NRP2: variants seen among roughly 807,000 people sequenced by gnomAD.
NRP2 encodes the protein neuropilin 2, also known as neuropilin-2.
In NRP2, 52 loss-of-function variants were observed where a neutral mutation model predicts 110.4. The ratio of observed to expected loss-of-function variants is 0.47; its 90% confidence interval spans 0.38 to 0.59. The LOEUF is 0.59. Among genes scored for constraint, NRP2 ranks in the 20% least tolerant of loss-of-function variants. NRP2 has a pLI of 0.00. For synonymous variants in NRP2, 508 were observed against 468.9 expected (o/e 1.08, Z -1.08); for missense variants, 1,049 against 1,203.0 (o/e 0.87, Z 1.89).
At chr2:205,709,389 G>C (rs569536689) in intron 2 of NRP2, among the ~76,000 whole-genome samples, 2 of 152,148 alleles carry the variant, frequency 1.3e-5, no homozygotes, top group African/African-American at 4.8e-5. Flanking sequence ...ATAGCCAGGG[G>C]CTCTCAGGTG....
At chr2:205,720,262 CTTTTTTTTT>C (rs202203741) in intron 3 of NRP2, among the ~76,000 whole-genome samples, 63 of 129,146 alleles carry the variant, frequency 4.9e-4, no homozygotes, top group African/African-American at 4.6e-4. Flanking sequence ...TTTTTTCTTT[CTTTTTTTTT>C]TTTTTTTTTT....
chr2:205,786,377 A>G (rs1443607274), intron 15 of NRP2, among the ~76,000 whole-genome samples: 1 of 152,232 alleles, frequency 6.6e-6, no homozygotes, highest in Admixed American at 6.5e-5. Flanking sequence ...CCAGCGATTT[A>G]ACTGGCCCAT....
chr2:205,706,733 G>T (rs967390348), intron 2 of NRP2, among the ~76,000 whole-genome samples: 2 of 152,146 alleles, frequency 1.3e-5, no homozygotes, highest in Non-Finnish European at 2.9e-5. Flanking sequence ...AAGCCTCAGG[G>T]CAGGCTGCTG....
chr2:205,697,510 T>C (rs199866815), intron 1 of NRP2, 34 bp from the exon 2 acceptor site: 22 of 1,590,212 alleles, frequency 1.4e-5, no homozygotes, highest in South Asian at 2.2e-5. Context: ...TGTAACATAT[T>C]TGAAGTTCTT....
intron 14 of NRP2, 46 bp from the exon 15 acceptor site, chr2:205,766,737 G>T: frequency 1.3e-6 from 2 of 1,555,626 alleles, no homozygotes; most frequent in South Asian, 1.1e-5. Flanking sequence ...TCACCCAATT[G>T]TTTCTTGCCT....
intron 15 of NRP2, among the ~76,000 whole-genome samples, chr2:205,774,160 G>A (rs2058063858): frequency 6.6e-6 from 1 of 152,198 alleles, no homozygotes; most frequent in Admixed American, 6.5e-5. Flanking sequence ...TTGCCAGGCA[G>A]CAGATCCTCT....
chr2:205,780,195 G>T (rs1575674775), intron 15 of NRP2, among the ~76,000 whole-genome samples: 1 of 152,138 alleles, frequency 6.6e-6, no homozygotes, highest in South Asian at 2.1e-4. Flanking sequence ...TCCCATTTAC[G>T]AGCGCTTTCC....
chr2:205,683,010 T>C lies in NRP2; in HGVS notation c.-281T>C, dbSNP rs754327145. ...TAAAGGAAATGACACTTTGAGGAAC[T>C]GGAGAGAACATATATGCGTTTTGTT... On this transcript the variant is annotated 5_prime_UTR_variant, in exon 1 of 17. Coordinates refer to ENST00000357785, the MANE Select transcript of NRP2 (RefSeq NM_003872.3). The C allele has an allele frequency of 2.1e-5, 9 of 433,518 alleles. No individual in the cohort carries two copies. The highest frequency in any genetic ancestry group is 6.5e-4 in the Middle Eastern group (1 of 1,540). 26.9% of individuals were successfully genotyped at this position (433,518 alleles called of 1,614,324 possible). A position where few individuals can be genotyped will look rare whatever the true frequency, so the allele number is the denominator to read the frequency against.
intron 1 of NRP2, among the ~76,000 whole-genome samples, chr2:205,695,939 A>G (rs2056415000): frequency 6.6e-6 from 1 of 151,890 alleles, no homozygotes; most frequent in African/African-American, 2.4e-5. Flanking sequence ...GGATGAGCTC[A>G]TTGTCTTCAT....
chr2:205,695,940 T>C (rs1404524394), intron 1 of NRP2, among the ~76,000 whole-genome samples: 1 of 152,066 alleles, frequency 6.6e-6, no homozygotes, highest in African/African-American at 2.4e-5. Context: ...GATGAGCTCA[T>C]TGTCTTCATG....
At position 205,794,845 on chromosome 2, in the gene NRP2, C is replaced by T. The variant is rs143954561; in HGVS notation, c.2568C>T (p.Thr856=). 4.2e-4 allele frequency: 682 copies of T among 1,614,074 alleles called. No individual in the cohort carries two copies. Among genetic ancestry groups the T allele is most frequent in the Non-Finnish European group, 5.4e-4 (633 of 1,180,054 alleles). The change falls in exon 17 of 17, where the codon ACC becomes ACT. Residue 856 remains threonine (T), a synonymous_variant. Transcript: ENST00000357785. ...ACAAAGAAAAGAGCTGGCTGTACAC[C>T]CTGGATCCCATCCTCATCACCATCA... The part of the protein sequence containing the change: ...STDKEKSWLY[T]LDPILITIIA...
chr2:205,688,970 G>A (rs1381221059), intron 1 of NRP2, among the ~76,000 whole-genome samples: 1 of 152,216 alleles, frequency 6.6e-6, no homozygotes, highest in Non-Finnish European at 1.5e-5. Flanking sequence ...CAGAACACAG[G>A]AAAGAGGGCC....
intron 14 of NRP2, 147 bp from the exon 15 acceptor site, chr2:205,766,636 G>A: frequency 1.4e-6 from 1 of 721,710 alleles, no homozygotes; most frequent in Non-Finnish European, 2.5e-6. Flanking sequence ...TAGAACATGT[G>A]GAAGATGGGG....
intron 2 of NRP2, among the ~76,000 whole-genome samples, chr2:205,707,861 G>A (rs1180237299): frequency 6.6e-6 from 1 of 152,134 alleles, no homozygotes; most frequent in African/African-American, 2.4e-5. Context: ...AGCACACCAG[G>A]GGCCCCAGAC....
At chr2:205,765,976 G>A (rs181810327) in intron 14 of NRP2, among the ~76,000 whole-genome samples, 1 of 152,214 alleles carries the variant, frequency 6.6e-6, no homozygotes, top group Non-Finnish European at 1.5e-5. Flanking sequence ...CATATGTTAT[G>A]TAAGAGTGAT....
intron 10 of NRP2, 109 bp downstream of exon 10, chr2:205,745,999 G>C (rs910421010): frequency 2.3e-6 from 3 of 1,281,626 alleles, no homozygotes; most frequent in Non-Finnish European, 3.4e-6. Flanking sequence ...CCAGGAGCTG[G>C]AAATGCTGCA....
chr2:205,717,290 C>G (rs141777572), intron 3 of NRP2, among the ~76,000 whole-genome samples: 26 of 152,280 alleles, frequency 1.7e-4, no homozygotes, highest in African/African-American at 6.0e-4. Context: ...CCTCTCCCCC[C>G]AGCAGCCCAA....
intron 12 of NRP2, 124 bp downstream of exon 12, chr2:205,753,099 A>G: frequency 7.9e-7 from 1 of 1,273,226 alleles, no homozygotes; most frequent in Non-Finnish European, 1.1e-6. Flanking sequence ...TTCTTTGCCC[A>G]CAAACCACCA....
intron 7 of NRP2, among the ~76,000 whole-genome samples, chr2:205,738,645 T>C (rs1436356501): frequency 6.6e-6 from 1 of 152,122 alleles, no homozygotes; most frequent in African/African-American, 2.4e-5. Context: ...TTCTCACTCC[T>C]TCTCATCCAC....
Sources: allele counts gnomAD v4.1 joint callset (sites outside exome capture counted in the v4.1 genomes callset), GRCh38; gene constraint gnomAD v4.1.1; transcripts MANE v1.5; gene names NCBI Gene and HGNC (gene_info 2026-07-23, HGNC 2026-07-21).